Variants in MCUB observed in about 807,000 individuals in gnomAD.
MCUB encodes the protein calcium uniporter regulatory subunit MCUb, mitochondrial.
MCUB carries 46 observed loss-of-function variants against 41.4 expected under a neutral mutation model. That is an observed-to-expected ratio of 1.11 (90% confidence interval 0.88 to 1.42). MCUB has a LOEUF of 1.42. MCUB is among the 40% of genes most tolerant of loss of function. MCUB has a pLI of 0.00. For missense variants in MCUB, 403 were observed against 404.9 expected (o/e 1.00, Z 0.04); for synonymous variants, 148 against 148.2 (o/e 1.00, Z 0.01).
At chr4:109,682,242 C>T (rs1406343691) in intron 4 of MCUB, among the ~76,000 whole-genome samples, 1 of 152,040 alleles carries the variant, frequency 6.6e-6, no homozygotes, top group Admixed American at 6.5e-5. Context: ...AGGGAGAGGC[C>T]AGAGAGCCTT....
chr4:109,597,461 T>C (rs1187591048), intron 1 of MCUB, among the ~76,000 whole-genome samples: 1 of 132,192 alleles, frequency 7.6e-6, no homozygotes, highest in Non-Finnish European at 1.6e-5. Context: ...GGCGGGGGGC[T>C]GACCCCCCCA....
chr4:109,669,135 G>A (rs1371144239), intron 4 of MCUB, among the ~76,000 whole-genome samples: 1 of 152,030 alleles, frequency 6.6e-6, no homozygotes, highest in Non-Finnish European at 1.5e-5. Flanking sequence ...CTTTCTTTCT[G>A]TAGAGCTAAA....
intron 4 of MCUB, chr4:109,674,060 G>A (rs1729519036): frequency 2.9e-6 from 4 of 1,402,362 alleles, no homozygotes; most frequent in Non-Finnish European, 4.0e-6. Context: ...TTTGTTGTAG[G>A]AGCAATGACT....
At chr4:109,597,989 A>C (rs1259231904) in intron 1 of MCUB, among the ~76,000 whole-genome samples, 2 of 145,878 alleles carry the variant, frequency 1.4e-5, no homozygotes, top group Admixed American at 1.4e-4. Context: ...CCCACATCTC[A>C]GACGATGGGC....
At chr4:109,586,995 G>C (rs576713636) in intron 1 of MCUB, among the ~76,000 whole-genome samples, 27 of 152,348 alleles carry the variant, frequency 1.8e-4, no homozygotes, top group African/African-American at 6.3e-4. Context: ...CTTCAGAGCT[G>C]TCAGAGAGGG....
At chr4:109,670,829 C>T (rs753339115) in intron 4 of MCUB, among the ~76,000 whole-genome samples, 2 of 151,990 alleles carry the variant, frequency 1.3e-5, no homozygotes, top group Non-Finnish European at 2.9e-5. Context: ...TCAGTTTTCA[C>T]TGTATCTAGT....
intron 1 of MCUB, among the ~76,000 whole-genome samples, chr4:109,642,896 T>TC (rs1491057105): frequency 8.3e-5 from 3 of 35,996 alleles, no homozygotes; most frequent in Admixed American, 3.1e-4. Context: ...CAGCTAGATT[T>TC]TTTTTTTTTT....
intron 1 of MCUB, among the ~76,000 whole-genome samples, chr4:109,645,893 T>G (rs1233700769): frequency 6.6e-6 from 1 of 152,086 alleles, no homozygotes; most frequent in Non-Finnish European, 1.5e-5. Context: ...CAAACAGATG[T>G]TTTCCCTTTA....
chr4:109,685,697 A>T (rs1055073331), intron 7 of MCUB, among the ~76,000 whole-genome samples: 2 of 152,232 alleles, frequency 1.3e-5, no homozygotes, highest in Non-Finnish European at 2.9e-5. Flanking sequence ...TAAGGAACTT[A>T]AGGCATTTAT....
Position 109,687,616 on chromosome 4 carries a change from G to C in MCUB, c.*24G>C, listed in dbSNP as rs1729880877. On this transcript the variant is annotated 3_prime_UTR_variant, in exon 8 of 8. Coordinates refer to ENST00000394650, the MANE Select transcript of MCUB (RefSeq NM_017918.5). ...AATCTTACAGTTTTAAATGTCGTCA[G>C]ATTTTCCATTATGTATTGATTTTGC... 1 of 1,504,068 alleles carries C rather than the reference G, an allele frequency of 6.6e-7. No individual in the cohort carries two copies. Among genetic ancestry groups the C allele is most frequent in the Non-Finnish European group, 9.2e-7 (1 of 1,084,866 alleles). 93.2% of individuals were successfully genotyped at this position (1,504,068 alleles called of 1,614,324 possible).
intron 1 of MCUB, among the ~76,000 whole-genome samples, chr4:109,593,382 G>A (rs1353963210): frequency 1.3e-5 from 2 of 152,228 alleles, no homozygotes; most frequent in African/African-American, 4.8e-5. Context: ...TTCCCATGGA[G>A]TTGGGGAAAG....
At chr4:109,566,352 C>G (rs1474340974) in intron 1 of MCUB, among the ~76,000 whole-genome samples, 1 of 151,350 alleles carries the variant, frequency 6.6e-6, no homozygotes, top group African/African-American at 2.4e-5. Context: ...CGCCTGTAGT[C>G]CCAGCTACTC....
intron 1 of MCUB, among the ~76,000 whole-genome samples, chr4:109,600,809 C>T (rs933382821): frequency 6.6e-6 from 1 of 151,546 alleles, no homozygotes; most frequent in Non-Finnish European, 1.5e-5. Context: ...TATTTTTTTC[C>T]TTCTGAGACT....
intron 1 of MCUB, among the ~76,000 whole-genome samples, chr4:109,632,253 G>A (rs1728489916): frequency 6.6e-6 from 1 of 151,998 alleles, no homozygotes; most frequent in Non-Finnish European, 1.5e-5. Flanking sequence ...TTCTTAAACA[G>A]TGTTTTGAAA....
chr4:109,682,707 G>C lies in MCUB; in HGVS notation c.577G>C (p.Asp193His), dbSNP rs765515623. The C allele has an allele frequency of 6.2e-7, 1 of 1,613,934 alleles. No homozygotes were observed. The highest frequency in any genetic ancestry group is 8.5e-7 in the Non-Finnish European group (1 of 1,179,836). Reference sequence around the variant, plus strand: ...AGAGCACCATTTACTGGAGAAAATTGACCACCTGAAGGAACAGCTGCAGCC... The same window carrying C: ...AGAGCACCATTTACTGGAGAAAATTCACCACCTGAAGGAACAGCTGCAGCC... ...KREHHLLEKI[D>H]HLKEQLQPLE... Residue 193 changes from aspartate to histidine, a missense_variant, in exon 5 of 8, where the codon GAC becomes CAC. Transcript: ENST00000394650.
At chr4:109,583,147 C>T (rs1254441603) in intron 1 of MCUB, among the ~76,000 whole-genome samples, 1 of 152,126 alleles carries the variant, frequency 6.6e-6, no homozygotes, top group Non-Finnish European at 1.5e-5. Context: ...TATAAATTAC[C>T]TTGGGCGGTA....
At chr4:109,660,408 G>T (rs1729204452) in intron 3 of MCUB, 43 bp downstream of exon 3, 1 of 1,159,652 alleles carries the variant, frequency 8.6e-7, no homozygotes, top group Non-Finnish European at 1.2e-6. Flanking sequence ...CAGGGTTTCT[G>T]TCTCTCCTGA....
intron 1 of MCUB, chr4:109,648,724 CAAAAA>C (rs59279944): frequency 5.6e-3 from 1,313 of 235,486 alleles, no homozygotes; most frequent in South Asian, 0.01. Flanking sequence ...TACAGAGAAG[CAAAAA>C]AAAAAAAAAA....
At chr4:109,610,277 G>A (rs933999084) in intron 1 of MCUB, among the ~76,000 whole-genome samples, 1 of 152,204 alleles carries the variant, frequency 6.6e-6, no homozygotes, top group East Asian at 1.9e-4. Context: ...CCATGTGGCC[G>A]AACTGGTACC....
Sources: allele counts gnomAD v4.1 joint callset (sites outside exome capture counted in the v4.1 genomes callset), GRCh38; gene constraint gnomAD v4.1.1; transcripts MANE v1.5; gene names NCBI Gene and HGNC (gene_info 2026-07-23, HGNC 2026-07-21).